The following PCDHA4 variants were observed in gnomAD, a reference collection of about 807,000 sequenced individuals.
PCDHA4 encodes protocadherin alpha-4.
PCDHA4 carries 49 observed loss-of-function variants against 61.4 expected under a neutral mutation model. That is an observed-to-expected ratio of 0.80 (90% CI 0.63 to 1.01). The LOEUF is 1.01. PCDHA4 is among the 50% of genes least tolerant of loss of function. The probability of loss-of-function intolerance (pLI) is 0.00; values close to 1 mark genes in which losing one functional copy is unlikely to be tolerated. For missense variants in PCDHA4, 1,254 were observed against 1,235.8 expected, an observed-to-expected ratio of 1.01 and a Z score of -0.22; for synonymous variants, 590 against 550.3, an observed-to-expected ratio of 1.07 and a Z score of -1.01.
chr5:140,873,461 T>A (rs2054305243), intron 1 of PCDHA4, among the ~76,000 whole-genome samples: 1 of 152,224 alleles, frequency 6.6e-6, no homozygotes, highest in Admixed American at 6.5e-5. Context: ...GCATTTTAGA[T>A]AATTCAAATT....
intron 1 of PCDHA4, among the ~76,000 whole-genome samples, chr5:140,924,894 C>CAAAAAAA (rs782133089): frequency 2.8e-5 from 2 of 71,470 alleles, no homozygotes; most frequent in African/African-American, 8.5e-5. Flanking sequence ...GAACCTGTCT[C>CAAAAAAA]AAAAAAAAAA....
chr5:140,935,286 C>T (rs1283279527), intron 1 of PCDHA4, among the ~76,000 whole-genome samples: 1 of 152,150 alleles, frequency 6.6e-6, no homozygotes, highest in Non-Finnish European at 1.5e-5. Context: ...TAAAGTTCAG[C>T]ACTCCGAGGT....
In PCDHA4 at chr5:140,829,168, A is replaced by G. The variant is rs113613407; in HGVS notation, c.2385+19596A>G. On this transcript the variant is annotated intron_variant, in intron 1 of 3. Coordinates refer to ENST00000530339, the MANE Select transcript of PCDHA4 (RefSeq NM_018907.4). ...CACTGACTTCCTTATCCTTGCCTGTACGTGAAGACGCTCAATTTGGTACTG... is the reference window on the plus strand; with the variant it reads ...CACTGACTTCCTTATCCTTGCCTGTGCGTGAAGACGCTCAATTTGGTACTG... The G allele has an allele frequency of 3.0e-3, 4,904 of 1,614,084 alleles. 121 individuals carry two copies. The African/African-American group carries it at 0.055, about 18-fold the overall frequency.
intron 1 of PCDHA4, among the ~76,000 whole-genome samples, chr5:140,896,499 A>G (rs1029698205): frequency 6.6e-6 from 1 of 150,502 alleles, no homozygotes; most frequent in African/African-American, 2.4e-5. Flanking sequence ...AGTAGCTGGG[A>G]CTGTGCAGGC....
intron 1 of PCDHA4, among the ~76,000 whole-genome samples, chr5:140,974,729 G>C (rs1007565470): frequency 2.6e-5 from 4 of 152,032 alleles, no homozygotes; most frequent in African/African-American, 9.7e-5. Flanking sequence ...TCGAACTCCT[G>C]TCTCCACCTT....
chr5:140,828,627 G>A lies in PCDHA4; in HGVS notation c.2385+19055G>A, dbSNP rs1769859813. On this transcript the variant is annotated intron_variant, in intron 1 of 3. Coordinates refer to ENST00000530339, the MANE Select transcript of PCDHA4 (RefSeq NM_018907.4). ...AAACTCAGTTCTAGCGAATACTTCG[G>A]GCTAGATGTGAAAATAAACAGTGAT... The A allele has an allele frequency of 3.7e-6, 6 of 1,614,114 alleles. No homozygotes were observed. Among genetic ancestry groups the A allele is most frequent in the Non-Finnish European group, 5.1e-6 (6 of 1,179,986 alleles).
chr5:140,926,828 C>T (rs2083578925), intron 1 of PCDHA4: 1 of 1,501,376 alleles, frequency 6.7e-7, no homozygotes, highest in African/African-American at 1.4e-5. Flanking sequence ...TCCAGGAGTC[C>T]GGAGCATGGT....
chr5:140,961,135 A>T (rs1554225235), intron 1 of PCDHA4, among the ~76,000 whole-genome samples: 2 of 152,186 alleles, frequency 1.3e-5, no homozygotes, highest in African/African-American at 4.8e-5. Flanking sequence ...TTGGCACTTA[A>T]GAGTTGGCAT....
At chr5:140,970,854 T>TG (rs1554232785) in intron 1 of PCDHA4, among the ~76,000 whole-genome samples, 1 of 152,148 alleles carries the variant, frequency 6.6e-6, no homozygotes, top group Non-Finnish European at 1.5e-5. Context: ...GCACAAAAGT[T>TG]CCATTCCTGA....
rs1554206636 is a variant in PCDHA4, at chr5:140,929,056, A to G, written c.2386-49893A>G. The G allele has an allele frequency of 1.2e-6, 2 of 1,614,064 alleles. No individual in the cohort carries two copies. Among genetic ancestry groups the G allele is most frequent in the Non-Finnish European group, 1.7e-6 (2 of 1,180,034 alleles). On this transcript the variant is annotated intron_variant, in intron 1 of 3. Transcript: ENST00000530339. ...TTGCGCTCAGAGCTGCTGTCGCTCTACAGAGGATCTGAGGTATGGAAGTAA... is the reference window on the plus strand; with the variant it reads ...TTGCGCTCAGAGCTGCTGTCGCTCTGCAGAGGATCTGAGGTATGGAAGTAA...
chr5:140,991,501 A>G (rs1223011478), intron 3 of PCDHA4, among the ~76,000 whole-genome samples: 1 of 152,216 alleles, frequency 6.6e-6, no homozygotes, highest in East Asian at 1.9e-4. Context: ...AGTGAGTTTC[A>G]CTGGCTAAAA....
At position 140,878,750 on chromosome 5, in the gene PCDHA4, T is replaced by A. The variant is rs143616284; in HGVS notation, c.2385+69178T>A. ...AGCCTTATATCTACTTTCTTACATATCTTTAGTTTAGGATCTGGAATATAG... is the reference window on the plus strand; with the variant it reads ...AGCCTTATATCTACTTTCTTACATAACTTTAGTTTAGGATCTGGAATATAG... On this transcript the variant is annotated intron_variant, in intron 1 of 3. Coordinates refer to ENST00000530339, the MANE Select transcript of PCDHA4 (RefSeq NM_018907.4). Among the ~76,000 whole-genome samples, 863 of 152,338 alleles carry A rather than the reference T, an allele frequency of 5.7e-3. 5 individuals are homozygous for A. Among genetic ancestry groups the A allele is most frequent in the Middle Eastern group, 0.014 (4 of 294 alleles).
chr5:140,835,663 C>T (rs1249758735), intron 1 of PCDHA4: 8 of 1,613,782 alleles, frequency 5.0e-6, no homozygotes, highest in Non-Finnish European at 6.8e-6. Flanking sequence ...GTGGTTACCG[C>T]GCGGGACGGG....
chr5:140,860,827 T>G (rs1554153817), intron 1 of PCDHA4: 6 of 152,210 alleles, frequency 3.9e-5, no homozygotes, highest in Admixed American at 2.6e-4. Context: ...AAGCTCCGCC[T>G]CCCAGGTTCA....
At position 140,924,901 on chromosome 5, in the gene PCDHA4, A is replaced by AAAAT. The variant is rs1554202314; in HGVS notation, c.2386-54045_2386-54044insTAAA. ...CAGAGCAAGAACCTGTCTCAAAAAA[A>AAAAT]AAAATAAAATAAAATAAAATAAAAT... On this transcript the variant is annotated intron_variant, in intron 1 of 3. Coordinates refer to ENST00000530339, the MANE Select transcript of PCDHA4 (RefSeq NM_018907.4). 7.3e-4 allele frequency among the ~76,000 whole-genome samples: 59 copies of AAAAT among 80,496 alleles called. 1 individual carries two copies. The highest frequency in any genetic ancestry group is 6.1e-3 in the Middle Eastern group (1 of 164). The allele number at this position is 80,496 out of a possible 152,430, so 52.8% of individuals were successfully genotyped here. A position where few individuals can be genotyped will look rare whatever the true frequency, so the allele number is the denominator to read the frequency against.
intron 1 of PCDHA4, among the ~76,000 whole-genome samples, chr5:140,889,697 A>G (rs920897018): frequency 4.6e-5 from 7 of 152,294 alleles, no homozygotes; most frequent in Middle Eastern, 3.4e-3. Flanking sequence ...TATTATGGGC[A>G]TATTCCACAA....
intron 1 of PCDHA4, among the ~76,000 whole-genome samples, chr5:140,855,450 T>C (rs1304022224): frequency 6.7e-6 from 1 of 149,974 alleles, no homozygotes; most frequent in African/African-American, 2.4e-5. Context: ...TTCGGAGTTA[T>C]AAACACCTCA....
At chr5:140,952,513 A>T (rs533436826) in intron 1 of PCDHA4, among the ~76,000 whole-genome samples, 7 of 152,028 alleles carry the variant, frequency 4.6e-5, no homozygotes, top group Non-Finnish European at 8.8e-5. Context: ...CCTCATCTCC[A>T]TCTGAGACCT....
intron 1 of PCDHA4, chr5:140,867,796 C>A (rs1477266622): frequency 4.6e-5 from 7 of 152,060 alleles, no homozygotes; most frequent in African/African-American, 1.7e-4. Context: ...TTTTACTTAG[C>A]ATTTTCTATG....
Sources: allele counts gnomAD v4.1 joint callset (sites outside exome capture counted in the v4.1 genomes callset), GRCh38; gene constraint gnomAD v4.1.1; transcripts MANE v1.5; gene names NCBI Gene and HGNC (gene_info 2026-07-23, HGNC 2026-07-21).